Variants in FAT2 observed in about 807,000 individuals in gnomAD.
The protein encoded by FAT2 is FAT atypical cadherin 2.
A neutral mutation model predicts 295.3 loss-of-function variants in FAT2; 150 were observed. That is an observed-to-expected ratio of 0.51 (90% CI 0.44 to 0.58). The LOEUF is 0.58. FAT2 is among the 20% of genes least tolerant of loss of function. The pLI, the probability that FAT2 is intolerant of heterozygous loss-of-function variation, is 0.00. For missense variants in FAT2, 4,868 were observed against 5,442.7 expected (o/e 0.89, Z 3.32); for synonymous variants, 2,026 against 2,150.3 (o/e 0.94, Z 1.60).
At chr5:151,574,604 C>G (rs1758669388) in intron 1 of FAT2, among the ~76,000 whole-genome samples, 1 of 152,162 alleles carries the variant, frequency 6.6e-6, no homozygotes, top group Non-Finnish European at 1.5e-5. Context: ...AGAACCAGGA[C>G]AGGGCTACAT....
chr5:151,579,392 C>G (rs565607163), intron 1 of FAT2, among the ~76,000 whole-genome samples: 1 of 151,974 alleles, frequency 6.6e-6, no homozygotes, highest in African/African-American at 2.4e-5. Context: ...GGCAACATAT[C>G]GAGATCCCAT....
At position 151,505,043 on chromosome 5, in the gene FAT2, A is replaced by C; in HGVS notation, c.*522T>G. Reference sequence around the variant, plus strand: ...CTCGACTGAGGCAGGGGCAGAGGGGACTGTGCCCGCTCCCCTGCTGCTCAC... The same window carrying C: ...CTCGACTGAGGCAGGGGCAGAGGGGCCTGTGCCCGCTCCCCTGCTGCTCAC... On this transcript the variant is annotated 3_prime_UTR_variant, in exon 24 of 24. Coordinates refer to ENST00000261800, the MANE Select transcript of FAT2 (RefSeq NM_001447.3). 1 of 164,802 alleles carries C rather than the reference A, an allele frequency of 6.1e-6. No homozygotes were observed. Among genetic ancestry groups the C allele is most frequent in the Non-Finnish European group, 1.3e-5 (1 of 77,624 alleles). 10.2% of individuals were successfully genotyped at this position (164,802 alleles called of 1,614,324 possible). A position where few individuals can be genotyped will look rare whatever the true frequency, so the allele number is the denominator to read the frequency against.
chr5:151,579,414 A>G (rs1561885930), intron 1 of FAT2, among the ~76,000 whole-genome samples: 1 of 152,116 alleles, frequency 6.6e-6, no homozygotes, highest in Non-Finnish European at 1.5e-5. Context: ...TCTACAAAAC[A>G]TTTAAAAATT....
chr5:151,593,038 C>T (rs528348181), upstream of FAT2, among the ~76,000 whole-genome samples: 22 of 152,326 alleles, frequency 1.4e-4, no homozygotes, highest in South Asian at 4.6e-3. Context: ...AGGGATTCCC[C>T]ACCAGTAGGA....
At position 151,589,548 on chromosome 5, in the gene FAT2, A is replaced by G. The variant is rs140373568; in HGVS notation, c.-21+1617T>C. ...AACATTGAGCCTCTCAAGGTTCTTC[A>G]TCAGCAAGATGGAGACAATCACTCC... is the stretch of plus-strand genomic sequence containing the variant. On this transcript the variant is annotated intron_variant, in intron 1 of 23. Transcript: ENST00000261800. 7.0e-4 allele frequency among the ~76,000 whole-genome samples: 106 copies of G among 152,296 alleles called. No homozygotes were observed. The East Asian group carries it at 0.014, about 20-fold the overall frequency.
chr5:151,527,918 G>T, intron 16 of FAT2, 78 bp downstream of exon 16: 1 of 1,546,750 alleles, frequency 6.5e-7, no homozygotes, highest in Non-Finnish European at 8.8e-7. Context: ...TCTTGACAGC[G>T]ATTCATCTTC....
chr5:151,556,340 T>G lies in FAT2; in HGVS notation c.3633+4A>C, dbSNP rs375988819. 128 of 1,613,238 alleles carry G rather than the reference T, an allele frequency of 7.9e-5. No individual in the cohort carries two copies. Among genetic ancestry groups the G allele is most frequent in the Non-Finnish European group, 1.1e-4 (124 of 1,179,292 alleles). The stretch of plus-strand genomic sequence containing the variant: ...CCACAAATGGATTCACCACCATTAC[T>G]TACCTCCAGGATGTGTTCATCCTTG... On this transcript the variant is annotated splice_donor_region_variant and intron_variant, in intron 4 of 23. Transcript: ENST00000261800.
Position 151,504,685 on chromosome 5 carries a change from G to A in FAT2, c.*880C>T, listed in dbSNP as rs147508477. 2.0e-4 allele frequency: 31 copies of A among 152,764 alleles called. No homozygotes were observed. The highest frequency in any genetic ancestry group is 6.7e-4 in the African/African-American group (28 of 41,570). 9.5% of individuals were successfully genotyped at this position (152,764 alleles called of 1,614,324 possible). A position where few individuals can be genotyped will look rare whatever the true frequency, so the allele number is the denominator to read the frequency against. ...GACAGCAAGGTCAAAAAGTGCCTAA[G>A]AATTTTTAAAATGAAGAATTAGTTC... On this transcript the variant is annotated 3_prime_UTR_variant, in exon 24 of 24. Transcript: ENST00000261800.
chr5:151,506,192 A>T, intron 23 of FAT2, 95 bp from the exon 24 acceptor site: 1 of 1,349,904 alleles, frequency 7.4e-7, no homozygotes, highest in African/African-American at 1.5e-5. Flanking sequence ...CGAGTGGTGG[A>T]GATGGGAGTG....
chr5:151,505,931 G>T lies in FAT2; in HGVS notation c.12684C>A (p.Phe4228Leu), dbSNP rs750285304. The change falls in exon 24 of 24, where the codon TTC becomes TTA. Residue 4228 changes from phenylalanine (F) to leucine (L), a missense_variant. This residue lies in a region of FAT2 where 492 missense variants were observed against 482.6 expected (regional missense o/e 1.02). Coordinates refer to ENST00000261800, the MANE Select transcript of FAT2 (RefSeq NM_001447.3). ...EPNGLYGGFPFPLEMENKRAP... is the reference protein window; with the variant it reads ...EPNGLYGGFPLPLEMENKRAP... ...CCCGCTTGTTTTCCATCTCCAGGGG[G>T]AAGGGGAAGCCCCCATAGAGGCCAT... 1.3e-6 allele frequency: 2 copies of T among 1,585,512 alleles called. No individual in the cohort carries two copies. Among genetic ancestry groups the T allele is most frequent in the Admixed American group, 1.9e-5 (1 of 52,688 alleles).
chr5:151,505,638 C>T lies in FAT2; in HGVS notation c.12977G>A (p.Arg4326Gln), dbSNP rs749529613. The change falls in exon 24 of 24, where the codon CGG becomes CAG. Residue 4326 changes from arginine to glutamine, a missense_variant. Around this residue, in one of 5 missense-constraint regions of FAT2, gnomAD observed 492 missense variants for 482.6 expected, o/e 1.02. Coordinates refer to ENST00000261800, the MANE Select transcript of FAT2 (RefSeq NM_001447.3). Reference protein sequence around the residue: ...GAPLAGQGQPRVPPNYEGSDM... With the variant: ...GAPLAGQGQPQVPPNYEGSDM... ...AGAGCCCTCATAGTTGGGGGGCACCCGGGGCTGGCCCTGGCCTGCAAGAGG... is the reference window on the plus strand; with the variant it reads ...AGAGCCCTCATAGTTGGGGGGCACCTGGGGCTGGCCCTGGCCTGCAAGAGG... 3.7e-5 allele frequency: 60 copies of T among 1,614,028 alleles called. No homozygotes were observed. Among genetic ancestry groups the T allele is most frequent in the Non-Finnish European group, 4.5e-5 (53 of 1,180,032 alleles).
chr5:151,542,036 T>A (rs1460421670), intron 10 of FAT2, among the ~76,000 whole-genome samples: 2 of 152,232 alleles, frequency 1.3e-5, no homozygotes, highest in Admixed American at 1.3e-4. Context: ...ACATACTTTT[T>A]GCAAAGCACT....
chr5:151,507,361 T>G lies in FAT2; in HGVS notation c.12310A>C (p.Asn4104His), dbSNP rs1424980966. The G allele has an allele frequency of 5.0e-6, 8 of 1,614,192 alleles. No individual in the cohort carries two copies. The highest frequency in any genetic ancestry group is 5.9e-6 in the Non-Finnish European group (7 of 1,180,022). Residue 4104 changes from asparagine (N) to histidine (H), a missense_variant, in exon 23 of 24, where the codon AAC becomes CAC. Asn to His is a moderately conservative substitution (Grantham distance 68). Around this residue, in one of 5 missense-constraint regions of FAT2, gnomAD observed 492 missense variants for 482.6 expected, o/e 1.02. Transcript: ENST00000261800. ...TTGCAGGAGCTGGCACTCAATGGGT[T>G]GAGCTCGATGGCAGGCATGGCTTGG... The part of the protein sequence containing the change: ...DTQAMPAIEL[N>H]PLSASSCNNL...
intron 19 of FAT2, among the ~76,000 whole-genome samples, chr5:151,520,542 C>T (rs918715132): frequency 1.7e-4 from 26 of 152,290 alleles, no homozygotes; most frequent in Admixed American, 1.2e-3. Context: ...ACTGCTACCA[C>T]GGGAATGACA....
chr5:151,569,247 G>T (rs975669109), intron 1 of FAT2, among the ~76,000 whole-genome samples: 3 of 152,184 alleles, frequency 2.0e-5, no homozygotes, highest in Non-Finnish European at 4.4e-5. Flanking sequence ...AGGTTTAATG[G>T]ACTCACCGTT....
chr5:151,569,376 A>T (rs1758435099), intron 1 of FAT2, among the ~76,000 whole-genome samples: 1 of 152,214 alleles, frequency 6.6e-6, no homozygotes, highest in Non-Finnish European at 1.5e-5. Context: ...TAAAACCATC[A>T]GATCTCATGA....
Position 151,543,735 on chromosome 5 carries a change from A to G in FAT2, c.7392T>C (p.Thr2464=), listed in dbSNP as rs1401628153. ...TTGTAGTGTTGATGTACACAGGCAC[A>G]GTTGCTCGGAAGACTCCATCAGAAG... The part of the protein sequence containing the change: ...VGASDGVFRA[T]VPVYINTTNA... Residue 2464 remains threonine, a synonymous_variant, in exon 10 of 24, where the codon ACT becomes ACC. Coordinates refer to ENST00000261800, the MANE Select transcript of FAT2 (RefSeq NM_001447.3). 6.2e-7 allele frequency: 1 copy of G among 1,614,106 alleles called. No individual in the cohort carries two copies. Among genetic ancestry groups the G allele is most frequent in the African/African-American group, 1.3e-5 (1 of 74,932 alleles).
At position 151,567,030 on chromosome 5, in the gene FAT2, G is replaced by C; in HGVS notation, c.1902C>G (p.Thr634=). ...AGGCTGTAATCTTCAGGGAATAACT[G>C]GTGGGTTGACCAGCAGTAAGATTGA... ...PFINLTAGQP[T]SYSLKITASD... Residue 634 remains threonine (T), a synonymous_variant, in exon 2 of 24, where the codon ACC becomes ACG. Coordinates refer to ENST00000261800, the MANE Select transcript of FAT2 (RefSeq NM_001447.3). 1.2e-6 allele frequency: 2 copies of C among 1,614,058 alleles called. No individual in the cohort carries two copies. Among genetic ancestry groups the C allele is most frequent in the Non-Finnish European group, 1.7e-6 (2 of 1,179,982 alleles).
chr5:151,507,621 CAG>C lies in FAT2; in HGVS notation c.12060-12_12060-11del. ...CGCCTCCATTTCACACCTGCGGAGA[CAG>C]AGTAGTCAGGGGGCCAAGTCATGAA... is the stretch of plus-strand genomic sequence containing the variant. On this transcript the variant is annotated splice_polypyrimidine_tract_variant and intron_variant, in intron 22 of 23. Transcript: ENST00000261800. 7.3e-7 allele frequency: 1 copy of C among 1,364,354 alleles called. No homozygotes were observed. The highest frequency in any genetic ancestry group is 9.6e-7 in the Non-Finnish European group (1 of 1,040,944). 84.5% of individuals were successfully genotyped at this position (1,364,354 alleles called of 1,614,324 possible).
Sources: allele counts gnomAD v4.1 joint callset (sites outside exome capture counted in the v4.1 genomes callset), GRCh38; gene constraint gnomAD v4.1.1; regional missense constraint gnomAD v4.1.1; transcripts MANE v1.5; gene names NCBI Gene and HGNC (gene_info 2026-07-23, HGNC 2026-07-21).